RPS6KA2: variants seen among roughly 807,000 people sequenced by gnomAD.
The protein encoded by RPS6KA2 is ribosomal protein S6 kinase A2.
RPS6KA2 carries 42 observed loss-of-function variants against 91.8 expected under a neutral mutation model. The ratio of observed to expected loss-of-function variants is 0.46; its 90% CI spans 0.36 to 0.59. The LOEUF is 0.59. Among genes scored for constraint, RPS6KA2 ranks in the 20% least tolerant of loss-of-function variants. The pLI, the probability that RPS6KA2 is intolerant of heterozygous loss-of-function variation, is 0.00. For missense variants in RPS6KA2, 798 were observed against 978.5 expected, an observed-to-expected ratio of 0.82 and a Z score of 2.46; for synonymous variants, 414 against 393.6, an observed-to-expected ratio of 1.05 and a Z score of -0.61.
chr6:166,593,301 A>AGAATG (rs1312179201), intron 1 of RPS6KA2, among the ~76,000 whole-genome samples: 1 of 152,214 alleles, frequency 6.6e-6, no homozygotes. Flanking sequence ...GAAATAGAAG[A>AGAATG]GAATGGAATG....
intron 1 of RPS6KA2, among the ~76,000 whole-genome samples, chr6:166,618,670 C>T (rs758461477): frequency 1.3e-5 from 2 of 152,234 alleles, no homozygotes; most frequent in Non-Finnish European, 2.9e-5. Context: ...GCAATTCGGG[C>T]AAATGCCCAT....
At chr6:166,415,986 T>TTA (rs1778490001) in intron 19 of RPS6KA2, among the ~76,000 whole-genome samples, 1 of 54,658 alleles carries the variant, frequency 1.8e-5, no homozygotes, top group African/African-American at 7.5e-5. Flanking sequence ...TCCACCATCA[T>TTA]CCTCACCATC....
intron 11 of RPS6KA2, among the ~76,000 whole-genome samples, chr6:166,466,811 CTCAT>C (rs1222585846): frequency 7.9e-5 from 12 of 152,180 alleles, no homozygotes; most frequent in African/African-American, 2.7e-4. Context: ...CACTCACTCC[CTCAT>C]TCACTCACTC....
intron 2 of RPS6KA2, among the ~76,000 whole-genome samples, chr6:166,534,150 A>T (rs891246653): frequency 1.5e-5 from 2 of 131,064 alleles, no homozygotes; most frequent in African/African-American, 5.8e-5. Flanking sequence ...TGAACCCGGG[A>T]GGCGGAGCTT....
At chr6:166,721,392 C>T (rs780071397) in intron 2 of RPS6KA2, among the ~76,000 whole-genome samples, 16 of 152,234 alleles carry the variant, frequency 1.1e-4, no homozygotes, top group Non-Finnish European at 2.1e-4. Flanking sequence ...CTAGCCCAGA[C>T]ACTGGGTCCT....
At chr6:166,472,353 A>G (rs1780804926) in intron 10 of RPS6KA2, among the ~76,000 whole-genome samples, 1 of 152,244 alleles carries the variant, frequency 6.6e-6, no homozygotes, top group Non-Finnish European at 1.5e-5. Flanking sequence ...GAGGAAATAC[A>G]GGTATTGGTA....
chr6:166,565,371 C>G (rs1411444349), intron 1 of RPS6KA2, among the ~76,000 whole-genome samples: 1 of 152,254 alleles, frequency 6.6e-6, no homozygotes, highest in Non-Finnish European at 1.5e-5. Context: ...TCCAGCTTCC[C>G]TCGGGACTGA....
intron 2 of RPS6KA2, among the ~76,000 whole-genome samples, chr6:166,833,436 C>G (rs1037564074): frequency 6.6e-6 from 1 of 152,222 alleles, no homozygotes; most frequent in Non-Finnish European, 1.5e-5. Flanking sequence ...GAATTCACTT[C>G]CTTTAAGTGT....
At chr6:166,712,909 G>A (rs940526686) in intron 2 of RPS6KA2, among the ~76,000 whole-genome samples, 4 of 152,136 alleles carry the variant, frequency 2.6e-5, no homozygotes, top group African/African-American at 7.2e-5. Flanking sequence ...CTCATGTCTC[G>A]CTCTCTCTCC....
chr6:166,542,367 G>A (rs549335878), intron 1 of RPS6KA2: 17 of 152,202 alleles, frequency 1.1e-4, no homozygotes, highest in Middle Eastern at 3.2e-3. Context: ...TGCATGCAAT[G>A]CCTTAGGAAG....
intron 2 of RPS6KA2, among the ~76,000 whole-genome samples, chr6:166,816,233 A>T (rs1404047082): frequency 6.6e-6 from 1 of 152,106 alleles, no homozygotes; most frequent in Non-Finnish European, 1.5e-5. Context: ...TAGCATGCCC[A>T]GCATATTTAA....
chr6:166,723,691 T>C (rs1032928494), intron 2 of RPS6KA2, among the ~76,000 whole-genome samples: 4 of 143,424 alleles, frequency 2.8e-5, no homozygotes, highest in African/African-American at 1.2e-4. Context: ...TTTTTCTTTT[T>C]TTCTTTTCTT....
intron 2 of RPS6KA2, among the ~76,000 whole-genome samples, chr6:166,700,353 T>C (rs1478702036): frequency 6.6e-6 from 1 of 152,184 alleles, no homozygotes; most frequent in Non-Finnish European, 1.5e-5. Context: ...CAAAAAACCC[T>C]GAAATTAATT....
rs546073988 is a variant in RPS6KA2 at position 166,718,543 on chromosome 6, A to G, written c.123+139657T>C. ...TACATATTGACTTTTTTATCATACA[A>G]TAAAATGCAACCGTATCTGAAAATA... is the stretch of plus-strand genomic sequence containing the variant. On this transcript the variant is annotated intron_variant, in intron 2 of 21. Coordinates refer to the RPS6KA2 transcript ENST00000503859. 2.6e-5 allele frequency among the ~76,000 whole-genome samples: 4 copies of G among 152,390 alleles called. 1 individual carries two copies. The South Asian group carries it at 8.3e-4, about 32-fold the overall frequency.
chr6:166,676,882 T>C lies in RPS6KA2; in HGVS notation c.124-138098A>G, dbSNP rs148096710. ...TGATTATGAATTGAATTTTTTCTCT[T>C]GTCCTTCTTGTTTTGACTGATTAGT... On this transcript the variant is annotated intron_variant, in intron 2 of 21. Transcript: ENST00000503859. Among the ~76,000 whole-genome samples, 687 of 152,356 alleles carry C rather than the reference T, an allele frequency of 4.5e-3. 6 individuals are homozygous for C. The highest frequency in any genetic ancestry group is 0.015 in the African/African-American group (642 of 41,588).
intron 2 of RPS6KA2, among the ~76,000 whole-genome samples, chr6:166,671,088 T>G (rs1788460207): frequency 6.6e-6 from 1 of 152,176 alleles, no homozygotes; most frequent in Non-Finnish European, 1.5e-5. Context: ...GTTAGAATTC[T>G]AGGCATGAGT....
chr6:166,615,564 G>A (rs1174476967), intron 1 of RPS6KA2, among the ~76,000 whole-genome samples: 2 of 152,146 alleles, frequency 1.3e-5, no homozygotes, highest in East Asian at 1.9e-4. Flanking sequence ...AGAGATGCCC[G>A]GCCTTTCCCG....
rs532487538 is a variant in RPS6KA2 at position 166,733,210 on chromosome 6, T to A, written c.123+124990A>T. 8.5e-5 allele frequency among the ~76,000 whole-genome samples: 13 copies of A among 152,276 alleles called. No homozygotes were observed. In the South Asian group the frequency reaches 2.5e-3, roughly 29 times the overall value. On this transcript the variant is annotated intron_variant, in intron 2 of 21. Transcript: ENST00000503859. The surrounding 1 kb of genome is among the most constrained non-coding windows in gnomAD (Gnocchi z 4.1). Reference sequence around the variant, plus strand: ...GTCACATTATCGGCCAGAATGGGAGTACTTTTGAAAGCCTAATAGCCTTAG... The same window carrying A: ...GTCACATTATCGGCCAGAATGGGAGAACTTTTGAAAGCCTAATAGCCTTAG...
chr6:166,750,962 C>A (rs75238677), intron 2 of RPS6KA2, among the ~76,000 whole-genome samples: 1 of 152,300 alleles, frequency 6.6e-6, no homozygotes, highest in South Asian at 2.1e-4. Context: ...ATTCTATTTG[C>A]CTAAACAGAG....
Sources: allele counts gnomAD v4.1 joint callset (sites outside exome capture counted in the v4.1 genomes callset), GRCh38; gene constraint gnomAD v4.1.1; non-coding constraint Gnocchi (gnomAD v3.1); transcripts MANE v1.5; gene names NCBI Gene and HGNC (gene_info 2026-07-23, HGNC 2026-07-21).